Variants in SBNO1 observed in about 807,000 individuals in gnomAD.
The protein encoded by SBNO1 is strawberry notch homolog 1.
In SBNO1, 23 loss-of-function variants were observed where a neutral mutation model predicts 173.6. The observed-to-expected ratio is 0.13, with a 90% CI of 0.10 to 0.19. SBNO1 has a LOEUF of 0.19. Ranked by LOEUF, SBNO1 falls within the 10% of genes least tolerant of loss-of-function variation. The pLI is 1.00. For synonymous variants in SBNO1, 632 were observed against 571.5 expected (o/e 1.11, Z -1.51); for missense variants, 1,238 against 1,671.2 (o/e 0.74, Z 4.52).
chr12:123,296,663 T>C (rs1213114411), intron 31 of SBNO1, among the ~76,000 whole-genome samples: 9 of 151,494 alleles, frequency 5.9e-5, no homozygotes, highest in African/African-American at 2.2e-4. Context: ...CGGGTTGAAG[T>C]GATTCTCCTG....
intron 4 of SBNO1, among the ~76,000 whole-genome samples, chr12:123,344,360 AGAG>A (rs1346360651): frequency 1.3e-5 from 2 of 152,332 alleles, no homozygotes; most frequent in African/African-American, 4.8e-5. Context: ...AATGACCTTG[AGAG>A]GAGAACCAAA....
chr12:123,299,259 T>G (rs2048701989), intron 30 of SBNO1, among the ~76,000 whole-genome samples: 1 of 151,712 alleles, frequency 6.6e-6, no homozygotes, highest in South Asian at 2.1e-4. Context: ...TCCCAGCTAC[T>G]CGGGAAGCTG....
intron 7 of SBNO1, among the ~76,000 whole-genome samples, chr12:123,332,121 T>C (rs1447503584): frequency 6.6e-6 from 1 of 152,074 alleles, no homozygotes; most frequent in Non-Finnish European, 1.5e-5. Flanking sequence ...AGTGCTGAGA[T>C]TACAGGCACG....
intron 23 of SBNO1, among the ~76,000 whole-genome samples, chr12:123,314,820 T>A (rs1869078648): frequency 6.6e-6 from 1 of 151,970 alleles, no homozygotes; most frequent in Admixed American, 6.6e-5. Context: ...TGGTCTCGAA[T>A]TCCTGACCTC....
At chr12:123,324,534 C>A (rs1174839368) in intron 15 of SBNO1, among the ~76,000 whole-genome samples, 1 of 152,186 alleles carries the variant, frequency 6.6e-6, no homozygotes, top group South Asian at 2.1e-4. Context: ...GTTGGCCAGG[C>A]TGGTCTCAAA....
At chr12:123,322,917 T>G (rs1176838495) in intron 16 of SBNO1, among the ~76,000 whole-genome samples, 1 of 151,938 alleles carries the variant, frequency 6.6e-6, no homozygotes, top group Non-Finnish European at 1.5e-5. Context: ...AAGGCTCTTT[T>G]AAAGAAAACT....
chr12:123,322,772 G>A (rs1411278006), intron 16 of SBNO1, among the ~76,000 whole-genome samples: 3 of 151,588 alleles, frequency 2.0e-5, no homozygotes, highest in Non-Finnish European at 2.9e-5. Flanking sequence ...AGGGCGTGGT[G>A]GTGCATGCCT....
At chr12:123,350,147 G>A in intron 2 of SBNO1, among the ~76,000 whole-genome samples, 163 bp downstream of exon 2, 1 of 151,968 alleles carries the variant, frequency 6.6e-6, no homozygotes, top group East Asian at 1.9e-4. Flanking sequence ...CCAGCTACTT[G>A]GGGGGCTGAG....
intron 20 of SBNO1, 68 bp from the exon 21 acceptor site, chr12:123,317,424 A>T: frequency 7.0e-7 from 1 of 1,424,364 alleles, no homozygotes; most frequent in East Asian, 2.3e-5. Context: ...CCTTAAATGA[A>T]GTCCTTCAGC....
chr12:123,350,220 C>T, intron 2 of SBNO1, 90 bp downstream of exon 2: 1 of 1,470,412 alleles, frequency 6.8e-7, no homozygotes, highest in South Asian at 1.2e-5. Context: ...CACCACTGCA[C>T]CCCAGCCTGG....
At chr12:123,313,246 A>G (rs1221923812) in intron 24 of SBNO1, among the ~76,000 whole-genome samples, 2 of 147,690 alleles carry the variant, frequency 1.4e-5, no homozygotes, top group Non-Finnish European at 3.0e-5. Flanking sequence ...ATAAATAAAT[A>G]AATAAATAAT....
Position 123,319,876 on chromosome 12 carries a change from G to A in SBNO1, c.2799+24C>T, listed in dbSNP as rs372324266. On this transcript the variant is annotated intron_variant, in intron 20 of 31. Transcript: ENST00000602398. ...ATATACAGGCATTGTTCTTTTCACTGAGAAGCATCTCAGTAAAACATACCT... is the reference window on the plus strand; with the variant it reads ...ATATACAGGCATTGTTCTTTTCACTAAGAAGCATCTCAGTAAAACATACCT... The A allele has an allele frequency of 2.0e-5, 32 of 1,609,118 alleles. No individual in the cohort carries two copies. The African/African-American group carries it at 3.5e-4, about 17-fold the overall frequency.
intron 25 of SBNO1, 22 bp downstream of exon 25, chr12:123,311,033 C>T (rs76466196): frequency 0.044 from 67,392 of 1,541,536 alleles, 2,501 homozygotes; most frequent in East Asian, 0.24. Context: ...GTTATATGCC[C>T]ACACAAAGCT....
rs770115624 is a variant in SBNO1, at chr12:123,331,355, A to C, written c.930T>G (p.Pro310=). Residue 310 remains proline (P), a synonymous_variant, in exon 8 of 32, where the codon CCT becomes CCG. Coordinates refer to ENST00000602398, the MANE Select transcript of SBNO1 (RefSeq NM_001167856.3). ...YAAQQHETFL[P]NGDRAGFLIG... ...TTAAGAAGCCAGCACGATCTCCATT[A>C]GGTAGGAAAGTTTCATGTTGCTGAA... The C allele has an allele frequency of 5.0e-6, 8 of 1,613,658 alleles. No homozygotes were observed. The highest frequency in any genetic ancestry group is 6.8e-6 in the Non-Finnish European group (8 of 1,179,840).
In SBNO1 at chr12:123,298,019, T is replaced by C; in HGVS notation, c.3998A>G (p.Gln1333Arg). Reference sequence around the variant, plus strand: ...ATCTTCCGTTCTTAGCCGCACGATCTGCATCTTCACGTTTGTGCCACTGAC... The same window carrying C: ...ATCTTCCGTTCTTAGCCGCACGATCCGCATCTTCACGTTTGTGCCACTGAC... ...ASVSGTNVKM[Q>R]IVRLRTEDGQ... Residue 1333 changes from glutamine (Q) to arginine (R), a missense_variant, in exon 31 of 32, where the codon CAG becomes CGG. Coordinates refer to ENST00000602398, the MANE Select transcript of SBNO1 (RefSeq NM_001167856.3). The C allele has an allele frequency of 6.2e-7, 1 of 1,614,134 alleles. No homozygotes were observed.
At chr12:123,317,090 G>A in intron 21 of SBNO1, 131 bp downstream of exon 21, 2 of 870,794 alleles carry the variant, frequency 2.3e-6, no homozygotes, top group East Asian at 2.4e-5. Context: ...CTCCCACAGT[G>A]GCCTCCCGAA....
chr12:123,308,452 C>T (rs899005180), intron 28 of SBNO1, among the ~76,000 whole-genome samples: 13 of 151,816 alleles, frequency 8.6e-5, no homozygotes, highest in Non-Finnish European at 1.8e-4. Context: ...GGGCAGATCA[C>T]GAGGTCAGGA....
rs776168239 is a variant in SBNO1, at chr12:123,345,479, G to A, written c.329C>T (p.Pro110Leu). The A allele has an allele frequency of 1.2e-6, 2 of 1,614,074 alleles. No homozygotes were observed. Among genetic ancestry groups the A allele is most frequent in the Non-Finnish European group, 1.7e-6 (2 of 1,179,968 alleles). ...GATGGTTTGCCTGTTGGTTGTTACA[G>A]GTGGTGTTTTAGTCATTACAATTGT... ...GSTIVMTKTP[P>L]VTTNRQTITL... Residue 110 changes from proline (P) to leucine (L), a missense_variant, in exon 4 of 32, where the codon CCT (proline) becomes CTT (leucine). Pro to Leu is a moderately conservative substitution (Grantham distance 98, BLOSUM62 -3). Around this residue, in one of 14 missense-constraint regions of SBNO1, gnomAD observed 287 missense variants for 274.1 expected, o/e 1.05. Coordinates refer to ENST00000602398, the MANE Select transcript of SBNO1 (RefSeq NM_001167856.3).
At chr12:123,348,223 A>C (rs1206130801) in intron 2 of SBNO1, 90 bp from the exon 3 acceptor site, 2 of 659,498 alleles carry the variant, frequency 3.0e-6, no homozygotes, top group African/African-American at 1.8e-5. Flanking sequence ...AAAAATATCA[A>C]GTTTAACATT....
Sources: gnomAD v4.1 joint callset for allele counts (sites outside exome capture counted in the v4.1 genomes callset) on GRCh38, gnomAD v4.1.1 for gene constraint, gnomAD v4.1.1 regional missense constraint, MANE v1.5 for transcripts, NCBI Gene and HGNC (gene_info 2026-07-23, HGNC 2026-07-21) for gene names.